ZMYND8: variants seen among roughly 807,000 people sequenced by gnomAD.
The protein encoded by ZMYND8 is MYND-type zinc finger-containing chromatin reader ZMYND8.
ZMYND8 carries 37 observed loss-of-function variants against 140.8 expected under a neutral mutation model. The observed-to-expected ratio is 0.26, with a 90% CI of 0.20 to 0.35. The LOEUF is 0.35. ZMYND8 is among the 10% of genes least tolerant of loss of function. The pLI, the probability that ZMYND8 is intolerant of heterozygous loss-of-function variation, is 1.00. For synonymous variants in ZMYND8, 592 were observed against 597.1 expected (o/e 0.99, Z 0.12); for missense variants, 1,068 against 1,570.0 (o/e 0.68, Z 5.40).
At chr20:47,333,747 A>C (rs903941876) in intron 2 of ZMYND8, among the ~76,000 whole-genome samples, 8 of 144,748 alleles carry the variant, frequency 5.5e-5, no homozygotes, top group Admixed American at 3.4e-4. Context: ...AAAAAAAAAA[A>C]AAAAAAAAAC....
At chr20:47,219,059 T>TC (rs1351857739) in intron 21 of ZMYND8, among the ~76,000 whole-genome samples, 3 of 143,532 alleles carry the variant, frequency 2.1e-5, no homozygotes, top group African/African-American at 7.7e-5. Context: ...TCTACAATTT[T>TC]TTTTTTTTTT....
intron 2 of ZMYND8, among the ~76,000 whole-genome samples, chr20:47,316,126 T>C (rs1045148869): frequency 5.3e-5 from 8 of 150,986 alleles, no homozygotes. Flanking sequence ...AGGTCAGGAG[T>C]TCGAGACCAG....
At chr20:47,245,119 G>GA (rs772776232) in intron 14 of ZMYND8, among the ~76,000 whole-genome samples, 11 of 152,218 alleles carry the variant, frequency 7.2e-5, no homozygotes, top group Non-Finnish European at 1.0e-4. Flanking sequence ...AGTGCCCTAA[G>GA]AAGCACTCAG....
At chr20:47,294,896 G>T in intron 4 of ZMYND8, 117 bp from the exon 5 acceptor site, 1 of 905,620 alleles carries the variant, frequency 1.1e-6, no homozygotes, top group Non-Finnish European at 1.7e-6. Flanking sequence ...ATCCCAATGA[G>T]ACTTGTTGTT....
intron 3 of ZMYND8, among the ~76,000 whole-genome samples, chr20:47,302,844 A>G (rs2078168456): frequency 6.6e-6 from 1 of 152,232 alleles, no homozygotes; most frequent in South Asian, 2.1e-4. Context: ...TCTGAAAAAT[A>G]AGATGACTAC....
rs1321355183 is a variant in ZMYND8, at chr20:47,355,544, T to A, written c.14+1113A>T. On this transcript the variant is annotated intron_variant, in intron 1 of 22. Transcript: ENST00000471951. Reference sequence around the variant, plus strand: ...GACTTGATCAAAAAGGAAATTTTTTTAAACAGTTACATGGTATTATTAAAA... The same window carrying A: ...GACTTGATCAAAAAGGAAATTTTTTAAAACAGTTACATGGTATTATTAAAA... The A allele has an allele frequency of 4.1e-6, 4 of 975,354 alleles. No homozygotes were observed. In the African/African-American group the frequency reaches 7.0e-5, roughly 17 times the overall value. The allele number at this position is 975,354 out of a possible 1,614,324, so 60.4% of individuals were successfully genotyped here. A position where few individuals can be genotyped will look rare whatever the true frequency, so the allele number is the denominator to read the frequency against.
chr20:47,351,260 G>GA (rs1424291433), intron 1 of ZMYND8, among the ~76,000 whole-genome samples: 1 of 152,002 alleles, frequency 6.6e-6, no homozygotes, highest in Non-Finnish European at 1.5e-5. Context: ...TAATTCCCAG[G>GA]AATCTCATCT....
chr20:47,275,605 G>A (rs532292240), intron 11 of ZMYND8, among the ~76,000 whole-genome samples: 2 of 150,652 alleles, frequency 1.3e-5, no homozygotes, highest in South Asian at 4.2e-4. Context: ...TTTTGTTTTT[G>A]TTTTTTGAGA....
chr20:47,262,037 C>A (rs573503354), intron 12 of ZMYND8, among the ~76,000 whole-genome samples: 2 of 151,914 alleles, frequency 1.3e-5, no homozygotes, highest in Admixed American at 6.6e-5. Context: ...CACCCTTGCA[C>A]TCCAGCCTGG....
At chr20:47,348,813 A>G (rs902545965) in intron 1 of ZMYND8, 1 of 152,150 alleles carries the variant, frequency 6.6e-6, no homozygotes, top group Non-Finnish European at 1.5e-5. Flanking sequence ...AACCAAAGGG[A>G]AAAAATAGAG....
intron 2 of ZMYND8, among the ~76,000 whole-genome samples, chr20:47,317,887 A>G (rs971032170): frequency 6.6e-6 from 1 of 152,190 alleles, no homozygotes; most frequent in African/African-American, 2.4e-5. Flanking sequence ...CCACTTTACA[A>G]GTGGTACCTT....
At chr20:47,239,309 A>G (rs774470375) in intron 14 of ZMYND8, among the ~76,000 whole-genome samples, 171 bp from the exon 15 acceptor site, 2 of 152,226 alleles carry the variant, frequency 1.3e-5, no homozygotes, top group African/African-American at 2.4e-5. Context: ...CCTAACGCTG[A>G]GGCCACTTCT....
At chr20:47,293,371 T>C (rs1377163177) in intron 5 of ZMYND8, among the ~76,000 whole-genome samples, 1 of 152,214 alleles carries the variant, frequency 6.6e-6, no homozygotes, top group African/African-American at 2.4e-5. Context: ...AGTATTGTGA[T>C]AAATATACAA....
At chr20:47,254,740 G>A (rs933947761) in intron 12 of ZMYND8, among the ~76,000 whole-genome samples, 1 of 150,666 alleles carries the variant, frequency 6.6e-6, no homozygotes, top group Non-Finnish European at 1.5e-5. Flanking sequence ...GGGTGGGGTG[G>A]AGGGGCTGTC....
At chr20:47,308,331 G>A (rs2078663545) in intron 3 of ZMYND8, among the ~76,000 whole-genome samples, 1 of 150,390 alleles carries the variant, frequency 6.6e-6, no homozygotes, top group African/African-American at 2.4e-5. Context: ...CAATTCTCGT[G>A]CCTCAGCCTC....
chr20:47,344,933 T>C (rs1197680023), intron 2 of ZMYND8, among the ~76,000 whole-genome samples: 7 of 152,118 alleles, frequency 4.6e-5, no homozygotes, highest in Admixed American at 4.6e-4. Context: ...GGCAACCCAC[T>C]GCGACCTCAT....
At chr20:47,251,615 T>C (rs529935653) in intron 12 of ZMYND8, among the ~76,000 whole-genome samples, 1 of 151,788 alleles carries the variant, frequency 6.6e-6, no homozygotes, top group Non-Finnish European at 1.5e-5. Flanking sequence ...GACAAAGAAC[T>C]AGAAAACTCT....
chr20:47,278,995 C>T (rs1167331169), intron 10 of ZMYND8, among the ~76,000 whole-genome samples: 1 of 151,904 alleles, frequency 6.6e-6, no homozygotes, highest in Non-Finnish European at 1.5e-5. Flanking sequence ...AATCAAGAGG[C>T]AGGGCCACCA....
At chr20:47,320,908 T>A (rs997336369) in intron 2 of ZMYND8, among the ~76,000 whole-genome samples, 6 of 152,076 alleles carry the variant, frequency 3.9e-5, no homozygotes, top group Admixed American at 3.9e-4. Flanking sequence ...AACATCATGA[T>A]GCAGCCATAA....
Sources: gnomAD v4.1 joint callset for allele counts (sites outside exome capture counted in the v4.1 genomes callset) on GRCh38, gnomAD v4.1.1 for gene constraint, MANE v1.5 for transcripts, NCBI Gene and HGNC (gene_info 2026-07-23, HGNC 2026-07-21) for gene names.